ADGRL2: variants seen among roughly 807,000 people sequenced by gnomAD.
ADGRL2 encodes the protein calcium-independent alpha-latrotoxin receptor 2.
ADGRL2 carries 44 observed loss-of-function variants against 157.4 expected under a neutral mutation model. That is an observed-to-expected ratio of 0.28 (90% CI 0.22 to 0.36). The LOEUF is 0.36. Ranked by LOEUF, ADGRL2 falls within the 10% of genes least tolerant of loss-of-function variation. The pLI is 1.00. For missense variants in ADGRL2, 1,510 were observed against 1,768.9 expected, an observed-to-expected ratio of 0.85 and a Z score of 2.63; for synonymous variants, 585 against 624.7, an observed-to-expected ratio of 0.94 and a Z score of 0.95.
intron 2 of ADGRL2, among the ~76,000 whole-genome samples, chr1:81,885,178 G>A (rs2094097721): frequency 1.3e-5 from 2 of 152,138 alleles, no homozygotes; most frequent in South Asian, 2.1e-4. Context: ...GTTTTTAGCT[G>A]GTATCATCTA....
rs190614386 is a variant in ADGRL2, at chr1:81,942,957, T to C, written c.410-12T>C. The C allele has an allele frequency of 2.9e-4, 470 of 1,595,956 alleles. 4 individuals are homozygous for C. In the African/African-American group the frequency reaches 5.9e-3, roughly 20 times the overall value. On this transcript the variant is annotated splice_polypyrimidine_tract_variant and intron_variant, in intron 5 of 23. Transcript: ENST00000686636. ...ACTTGGCTTAATTTTTGTCTTTCTC[T>C]GTAACTGTTAGTTTTTGTGTGTCCT...
At chr1:81,953,046 C>A (rs1234529148) in intron 10 of ADGRL2, 21 bp downstream of exon 10, 3 of 1,606,008 alleles carry the variant, frequency 1.9e-6, no homozygotes, top group Non-Finnish European at 1.7e-6. Context: ...TGTGCTGTCA[C>A]CCTGCTTTCT....
At chr1:81,706,104 C>T (rs964727188) in intron 1 of ADGRL2, among the ~76,000 whole-genome samples, 2 of 151,992 alleles carry the variant, frequency 1.3e-5, no homozygotes, top group African/African-American at 4.8e-5. Context: ...GAGGCTGAGG[C>T]AGGAGAATCA....
intron 2 of ADGRL2, among the ~76,000 whole-genome samples, chr1:81,784,664 G>T (rs1321145388): frequency 6.9e-6 from 1 of 145,348 alleles, no homozygotes; most frequent in Non-Finnish European, 1.5e-5. Context: ...GGAGGTGCAG[G>T]TTTTAGTGAG....
intron 3 of ADGRL2, among the ~76,000 whole-genome samples, chr1:81,908,729 G>A (rs1438483363): frequency 6.6e-6 from 1 of 152,140 alleles, no homozygotes; most frequent in African/African-American, 2.4e-5. Context: ...AGCATTCAGT[G>A]TTGCCAGTGT....
rs1164087131 is a variant in ADGRL2 at position 81,616,679 on chromosome 1, C to CTT, written c.-143+35713_-143+35714dup. Reference sequence around the variant, plus strand: ...TTTTTCTTTTCTTTTCTTTTCTTTTCTTTTTTTTTTTTTTTGAGACAGGGT... The same window carrying CTT: ...TTTTTCTTTTCTTTTCTTTTCTTTTCTTTTTTTTTTTTTTTTTGAGACAGGGT... On this transcript the variant is annotated intron_variant, in intron 3 of 24. Transcript: ENST00000370721. 2.1e-4 allele frequency among the ~76,000 whole-genome samples: 22 copies of CTT among 105,962 alleles called. 1 individual carries two copies. Among genetic ancestry groups the CTT allele is most frequent in the African/African-American group, 5.6e-4 (15 of 26,696 alleles). 69.5% of individuals were successfully genotyped at this position (105,962 alleles called of 152,430 possible). A position where few individuals can be genotyped will look rare whatever the true frequency, so the allele number is the denominator to read the frequency against.
At chr1:81,861,212 G>A (rs1167487718) in intron 2 of ADGRL2, among the ~76,000 whole-genome samples, 4 of 151,818 alleles carry the variant, frequency 2.6e-5, no homozygotes, top group Non-Finnish European at 5.9e-5. Context: ...GTAAAGACGG[G>A]GTTTCACCAC....
chr1:81,665,563 T>A (rs1330141259), intron 3 of ADGRL2, among the ~76,000 whole-genome samples: 1 of 152,170 alleles, frequency 6.6e-6, no homozygotes, highest in Non-Finnish European at 1.5e-5. Context: ...CCTACCTCCA[T>A]GGCTCTATAT....
At chr1:81,936,660 A>T (rs554063269) in intron 3 of ADGRL2, 68 bp from the exon 4 acceptor site, 30 of 897,288 alleles carry the variant, frequency 3.3e-5, no homozygotes, top group Non-Finnish European at 5.2e-5. Context: ...AAAAACTTCT[A>T]TGTTATATTT....
intron 1 of ADGRL2, among the ~76,000 whole-genome samples, chr1:81,310,624 G>T (rs563170591): frequency 6.6e-6 from 1 of 152,134 alleles, no homozygotes; most frequent in Admixed American, 6.5e-5. Context: ...ACCTCTATCT[G>T]CTGGCAGGCA....
intron 2 of ADGRL2, among the ~76,000 whole-genome samples, chr1:81,878,966 C>T (rs914627405): frequency 6.6e-6 from 1 of 152,104 alleles, no homozygotes; most frequent in Non-Finnish European, 1.5e-5. Flanking sequence ...GAAGATACTT[C>T]CCCCAAAACA....
At chr1:81,503,793 A>T (rs113344436) in intron 2 of ADGRL2, among the ~76,000 whole-genome samples, 2,770 of 152,268 alleles carry the variant, frequency 0.018, 35 homozygotes, top group Non-Finnish European at 0.026. Context: ...ACAATCTGTC[A>T]GCCGACACAG....
intron 1 of ADGRL2, among the ~76,000 whole-genome samples, chr1:81,366,363 G>A (rs1461286114): frequency 6.6e-6 from 1 of 151,458 alleles, no homozygotes; most frequent in African/African-American, 2.4e-5. Context: ...ATTGAAAGAA[G>A]CAGGCTCAGT....
intron 1 of ADGRL2, among the ~76,000 whole-genome samples, chr1:81,363,799 T>C (rs370976829): frequency 3.3e-5 from 5 of 152,248 alleles, no homozygotes; most frequent in African/African-American, 7.2e-5. Flanking sequence ...TATAATCTCA[T>C]TGGGAGACAA....
intron 2 of ADGRL2, among the ~76,000 whole-genome samples, chr1:81,763,061 AAAAAAAGG>A (rs1012007403): frequency 2.6e-5 from 4 of 151,216 alleles, no homozygotes; most frequent in African/African-American, 9.7e-5. Context: ...AAAAAAAAAA[AAAAAAAGG>A]AAAAAAGACA....
At chr1:81,391,129 A>G (rs2076544460) in intron 1 of ADGRL2, among the ~76,000 whole-genome samples, 1 of 152,308 alleles carries the variant, frequency 6.6e-6, no homozygotes, top group African/African-American at 2.4e-5. Context: ...TTGTTAACAA[A>G]TGAGATAAAT....
chr1:81,630,184 G>A (rs1014263211), intron 3 of ADGRL2, among the ~76,000 whole-genome samples: 1 of 152,014 alleles, frequency 6.6e-6, no homozygotes, highest in East Asian at 1.9e-4. Context: ...GGGGACACCT[G>A]TAAGGCAGGG....
chr1:81,763,658 G>A (rs2085985088), intron 2 of ADGRL2, among the ~76,000 whole-genome samples: 1 of 151,560 alleles, frequency 6.6e-6, no homozygotes, highest in South Asian at 2.1e-4. Context: ...GCTGAGGTGA[G>A]CAGATCACAA....
chr1:81,506,412 T>G (rs1405503591), intron 2 of ADGRL2: 1 of 152,070 alleles, frequency 6.6e-6, no homozygotes, highest in Non-Finnish European at 1.5e-5. Flanking sequence ...CAGATGGAGT[T>G]TGACAAGAAA....
Sources: allele counts gnomAD v4.1 joint callset (sites outside exome capture counted in the v4.1 genomes callset), GRCh38; gene constraint gnomAD v4.1.1; transcripts MANE v1.5; gene names NCBI Gene and HGNC (gene_info 2026-07-23, HGNC 2026-07-21).